The following IL1RAPL1 variants were observed in gnomAD, a reference collection of about 807,000 sequenced individuals.
The protein encoded by IL1RAPL1 is interleukin 1 receptor accessory protein like 1, also known as interleukin-1 receptor accessory protein-like 1.
IL1RAPL1 carries 3 observed loss-of-function variants against 48.4 expected under a neutral mutation model. The observed-to-expected ratio is 0.06, with a 90% CI of 0.03 to 0.16. The LOEUF (loss-of-function observed/expected upper bound fraction) is 0.16. Among genes scored for constraint, IL1RAPL1 ranks in the 10% least tolerant of loss-of-function variants. IL1RAPL1 has a pLI of 1.00. For synonymous variants in IL1RAPL1, 185 were observed against 187.7 expected (o/e 0.99, Z 0.12); for missense variants, 349 against 530.6 (o/e 0.66, Z 3.36).
At chrX:29,421,712 T>C (rs1934293223) in intron 5 of IL1RAPL1, among the ~76,000 whole-genome samples, 1 of 111,742 alleles carries the variant, frequency 8.9e-6, no homozygotes, top group African/African-American at 3.3e-5. Flanking sequence ...TTATCCATAA[T>C]AGTACAATAT....
chrX:29,029,658 T>A lies in IL1RAPL1; in HGVS notation c.82+240233T>A, dbSNP rs192952913. 6.3e-5 allele frequency among the ~76,000 whole-genome samples: 7 copies of A among 111,996 alleles called. No individual in the cohort carries two copies. The East Asian group carries it at 2.0e-3, about 31-fold the overall frequency. ...TTGCATGACAGTCTTTTATCAGATA[T>A]GTCTTTTGCAAATATTTTCTCCCAT... On this transcript the variant is annotated intron_variant, in intron 2 of 10. Coordinates refer to ENST00000378993, the MANE Select transcript of IL1RAPL1 (RefSeq NM_014271.4).
At chrX:28,714,849 A>G (rs1935484135) in intron 1 of IL1RAPL1, among the ~76,000 whole-genome samples, 1 of 112,081 alleles carries the variant, frequency 8.9e-6, no homozygotes, top group Non-Finnish European at 1.9e-5. Flanking sequence ...GGTCCTTTCC[A>G]TGGTTATACC....
rs1555990506 is a variant in IL1RAPL1 at position 29,319,160 on chromosome X, G to GCCTGTCTGTCTATCTATCTATCTA, written c.362+35943_362+35944insCCTGTCTGTCTATCTATCTATCTA. Among the ~76,000 whole-genome samples, 132 of 84,982 alleles carry GCCTGTCTGTCTATCTATCTATCTA rather than the reference G, an allele frequency of 1.6e-3. 1 individual carries two copies. The highest frequency in any genetic ancestry group is 2.8e-3 in the African/African-American group (61 of 21,779). 73.8% of individuals were successfully genotyped at this position (84,982 alleles called of 115,157 possible). A position where few individuals can be genotyped will look rare whatever the true frequency, so the allele number is the denominator to read the frequency against. ...ACGTATGATATCTGTCTATCTGTCT[G>GCCTGTCTGTCTATCTATCTATCTA]TCTATCTATCTATCTATCTATCTAT... is the stretch of plus-strand genomic sequence containing the variant. On this transcript the variant is annotated intron_variant, in intron 3 of 10. Coordinates refer to ENST00000378993, the MANE Select transcript of IL1RAPL1 (RefSeq NM_014271.4).
chrX:28,873,700 T>G (rs1440153476), intron 2 of IL1RAPL1, among the ~76,000 whole-genome samples: 1 of 107,066 alleles, frequency 9.3e-6, no homozygotes, highest in African/African-American at 3.4e-5. Context: ...GCCGGCTAAT[T>G]TTTTGTATTT....
intron 1 of IL1RAPL1, among the ~76,000 whole-genome samples, chrX:28,710,828 T>G (rs771232200): frequency 2.7e-5 from 3 of 112,186 alleles, no homozygotes; most frequent in Non-Finnish European, 5.6e-5. Context: ...GCGGAATATT[T>G]CCCATGTACC....
At chrX:28,921,982 G>A (rs1245969573) in intron 2 of IL1RAPL1, among the ~76,000 whole-genome samples, 1 of 111,518 alleles carries the variant, frequency 9.0e-6, no homozygotes, top group Non-Finnish European at 1.9e-5. Flanking sequence ...TTGATGTTCT[G>A]TGGGGAAAAA....
chrX:29,141,867 A>G (rs1479779733), intron 2 of IL1RAPL1, among the ~76,000 whole-genome samples: 1 of 112,341 alleles, frequency 8.9e-6, no homozygotes, highest in Non-Finnish European at 1.9e-5. Flanking sequence ...ATGCTGAAAG[A>G]CAGCAGACTA....
chrX:29,345,477 G>C (rs1029057059), intron 3 of IL1RAPL1, among the ~76,000 whole-genome samples: 1 of 110,872 alleles, frequency 9.0e-6, no homozygotes, highest in African/African-American at 3.3e-5. Context: ...TTTTTGTATT[G>C]GTTTGTTTTA....
At chrX:29,364,487 C>T (rs184874096) in intron 3 of IL1RAPL1, among the ~76,000 whole-genome samples, 5 of 103,253 alleles carry the variant, frequency 4.8e-5, no homozygotes, top group East Asian at 6.1e-4. Flanking sequence ...TGCTTGAACC[C>T]GGGAGGTGGA....
intron 5 of IL1RAPL1, among the ~76,000 whole-genome samples, chrX:29,511,278 T>G (rs764746634): frequency 8.9e-6 from 1 of 112,039 alleles, no homozygotes; most frequent in South Asian, 3.7e-4. Context: ...AAAAAATAAA[T>G]AAACCTCATT....
intron 1 of IL1RAPL1, among the ~76,000 whole-genome samples, chrX:28,668,260 T>G (rs1934903889): frequency 9.5e-6 from 1 of 105,198 alleles, no homozygotes; most frequent in Non-Finnish European, 1.9e-5. Context: ...AAAAGAATTG[T>G]TTTTTTTTTC....
In IL1RAPL1 at chrX:29,602,189, A is replaced by G. The variant is rs372811495; in HGVS notation, c.704-66241A>G. Reference sequence around the variant, plus strand: ...GTATAGACGGGGTTTCACCATGTTGATCAGGCTGATCTCAAACTCCTGACC... The same window carrying G: ...GTATAGACGGGGTTTCACCATGTTGGTCAGGCTGATCTCAAACTCCTGACC... On this transcript the variant is annotated intron_variant, in intron 5 of 10. Transcript: ENST00000378993. Among the ~76,000 whole-genome samples the G allele has an allele frequency of 2.4e-3, 249 of 102,942 alleles. 17 individuals carry two copies. Among genetic ancestry groups the G allele is most frequent in the African/African-American group, 0.01 (230 of 22,965 alleles). The allele number at this position is 102,942 out of a possible 115,157, so 89.4% of individuals were successfully genotyped here.
At chrX:29,336,005 A>C (rs1932987631) in intron 3 of IL1RAPL1, among the ~76,000 whole-genome samples, 1 of 108,303 alleles carries the variant, frequency 9.2e-6, no homozygotes, top group Non-Finnish European at 1.9e-5. Context: ...TGTTTATGGA[A>C]ATATATCTCA....
intron 5 of IL1RAPL1, among the ~76,000 whole-genome samples, chrX:29,456,453 G>A (rs1398755828): frequency 2.7e-5 from 3 of 111,622 alleles, no homozygotes; most frequent in Admixed American, 9.6e-5. Context: ...TGAAAGGAAC[G>A]TTGTTTACTT....
intron 2 of IL1RAPL1, among the ~76,000 whole-genome samples, chrX:28,894,184 C>T (rs1264895992): frequency 1.8e-5 from 2 of 112,077 alleles, no homozygotes; most frequent in Non-Finnish European, 3.8e-5. Context: ...TATTTAGAGT[C>T]AGTATAAATA....
intron 6 of IL1RAPL1, among the ~76,000 whole-genome samples, chrX:29,874,042 C>A (rs983726879): frequency 1.8e-5 from 2 of 112,176 alleles, no homozygotes; most frequent in Middle Eastern, 4.6e-3. Flanking sequence ...AATTTGCTTG[C>A]GATTCAATGT....
intron 1 of IL1RAPL1, among the ~76,000 whole-genome samples, chrX:28,724,750 T>C (rs1024998030): frequency 9.0e-6 from 1 of 111,147 alleles, no homozygotes; most frequent in Non-Finnish European, 1.9e-5. Context: ...TTTCTTTCCA[T>C]GTTTAGTGCT....
intron 9 of IL1RAPL1, among the ~76,000 whole-genome samples, chrX:29,950,781 A>G (rs2147256567): frequency 9.4e-6 from 1 of 106,043 alleles, no homozygotes; most frequent in African/African-American, 3.5e-5. Context: ...GGTTCACGCC[A>G]TTCTCCTGCC....
At chrX:28,845,524 T>G (rs1921487270) in intron 2 of IL1RAPL1, among the ~76,000 whole-genome samples, 1 of 111,306 alleles carries the variant, frequency 9.0e-6, no homozygotes, top group Non-Finnish European at 1.9e-5. Flanking sequence ...GCCCAGGGTA[T>G]TTTTAGTCTA....
Sources: allele counts gnomAD v4.1 joint callset (sites outside exome capture counted in the v4.1 genomes callset), GRCh38; gene constraint gnomAD v4.1.1; transcripts MANE v1.5; gene names NCBI Gene and HGNC (gene_info 2026-07-23, HGNC 2026-07-21).